The following SUGCT variants were observed in gnomAD, a reference collection of about 807,000 sequenced individuals.
SUGCT encodes succinyl-CoA:glutarate CoA-transferase.
SUGCT carries 41 observed loss-of-function variants against 55.0 expected under a neutral mutation model. That is an observed-to-expected ratio of 0.74 (90% CI 0.58 to 0.97). The LOEUF (loss-of-function observed/expected upper bound fraction) is 0.97, where lower values mean the gene tolerates loss of function less well. SUGCT is among the 50% of genes least tolerant of loss of function. SUGCT has a pLI of 0.00. For missense variants in SUGCT, 568 were observed against 547.8 expected (o/e 1.04, Z -0.37); for synonymous variants, 187 against 200.4 (o/e 0.93, Z 0.56).
the SUGCT span, among the ~76,000 whole-genome samples, chr7:40,903,255 G>A: frequency 6.6e-6 from 1 of 152,102 alleles, no homozygotes; most frequent in African/African-American, 2.4e-5. Context: ...GCTGGACGGA[G>A]GTGAGAGGGA....
chr7:40,970,123 A>T, the SUGCT span, among the ~76,000 whole-genome samples: 1 of 152,184 alleles, frequency 6.6e-6, no homozygotes, highest in Non-Finnish European at 1.5e-5. Flanking sequence ...AACTTTTCAG[A>T]ATCAAGAAGG....
intron 8 of SUGCT, among the ~76,000 whole-genome samples, chr7:40,288,143 T>A (rs1472696499): frequency 2.0e-5 from 3 of 152,174 alleles, no homozygotes; most frequent in South Asian, 2.1e-4. Flanking sequence ...CGGTCTGTAG[T>A]TTTCTTATGA....
At chr7:40,666,444 T>TTTTTTTGTG (rs1584239846) in intron 12 of SUGCT, among the ~76,000 whole-genome samples, 1 of 146,682 alleles carries the variant, frequency 6.8e-6, no homozygotes, top group Non-Finnish European at 1.5e-5. Flanking sequence ...TTTTTTTTTT[T>TTTTTTTGTG]GGTGGGTGGA....
intron 8 of SUGCT, among the ~76,000 whole-genome samples, chr7:40,284,922 G>C (rs2151029019): frequency 1.3e-5 from 2 of 152,274 alleles, no homozygotes; most frequent in Admixed American, 1.3e-4. Context: ...GGAAAACTGA[G>C]CGAAATATAA....
chr7:40,946,859 C>T, the SUGCT span, among the ~76,000 whole-genome samples: 14 of 151,988 alleles, frequency 9.2e-5, no homozygotes, highest in Admixed American at 3.3e-4. Context: ...TTGTATTTCA[C>T]GACTTGCTTC....
Position 40,759,097 on chromosome 7 carries a change from A to T in SUGCT, c.1153+9600A>T, listed in dbSNP as rs147364743. 2.6e-5 allele frequency among the ~76,000 whole-genome samples: 4 copies of T among 152,306 alleles called. No individual in the cohort carries two copies. In the East Asian group the frequency reaches 7.7e-4, roughly 29 times the overall value. ...CTGCAGCCACAAAAACTAAAGAAGC[A>T]CTACCCTCCGTAGACTTAAAGAATA... On this transcript the variant is annotated intron_variant, in intron 13 of 13. Coordinates refer to ENST00000335693, the MANE Select transcript of SUGCT (RefSeq NM_001193313.2).
chr7:41,005,027 G>A, the SUGCT span, among the ~76,000 whole-genome samples: 1 of 152,166 alleles, frequency 6.6e-6, no homozygotes, highest in South Asian at 2.1e-4. Context: ...AAAATGGCAA[G>A]CAACTGCGTA....
chr7:40,808,706 T>C (rs758627310), intron 13 of SUGCT, among the ~76,000 whole-genome samples: 5 of 152,230 alleles, frequency 3.3e-5, no homozygotes, highest in African/African-American at 9.6e-5. Context: ...TACAAAAATA[T>C]CTCTTGTGTG....
intron 8 of SUGCT, among the ~76,000 whole-genome samples, chr7:40,310,201 T>C (rs1191129782): frequency 1.3e-5 from 2 of 152,200 alleles, no homozygotes; most frequent in East Asian, 1.9e-4. Context: ...TATGTTGAAA[T>C]TGGTGCTGTT....
chr7:40,878,258 T>A, the SUGCT span, among the ~76,000 whole-genome samples: 4 of 152,242 alleles, frequency 2.6e-5, no homozygotes, highest in African/African-American at 4.8e-5. Context: ...TTTTCTTTTT[T>A]AAAAAATATT....
At chr7:40,680,329 A>G (rs1584262651) in intron 12 of SUGCT, among the ~76,000 whole-genome samples, 1 of 152,186 alleles carries the variant, frequency 6.6e-6, no homozygotes, top group East Asian at 1.9e-4. Flanking sequence ...CAGCAAATAG[A>G]AACAAAAAAA....
At chr7:40,450,244 T>TC (rs1789114820) in intron 10 of SUGCT, among the ~76,000 whole-genome samples, 1 of 152,166 alleles carries the variant, frequency 6.6e-6, no homozygotes, top group African/African-American at 2.4e-5. Context: ...ACTTTTTTTT[T>TC]CTTTACTTGA....
intron 6 of SUGCT, among the ~76,000 whole-genome samples, chr7:40,233,164 G>C (rs1323636287): frequency 6.6e-6 from 1 of 151,672 alleles, no homozygotes; most frequent in Non-Finnish European, 1.5e-5. Flanking sequence ...ACAAGTATAA[G>C]GTGAAAATGT....
At chr7:40,768,319 C>A (rs967384914) in intron 13 of SUGCT, among the ~76,000 whole-genome samples, 3 of 152,084 alleles carry the variant, frequency 2.0e-5, no homozygotes, top group Non-Finnish European at 4.4e-5. Flanking sequence ...CTGCAGGAAG[C>A]CTCGGCTGCT....
At chr7:40,312,477 C>G (rs1795211295) in intron 8 of SUGCT, among the ~76,000 whole-genome samples, 1 of 151,992 alleles carries the variant, frequency 6.6e-6, no homozygotes, top group Non-Finnish European at 1.5e-5. Context: ...TTCCAAGTTT[C>G]CATCCCTGAA....
At chr7:40,861,767 G>T (rs1183735641), downstream of SUGCT, among the ~76,000 whole-genome samples, 2 of 152,124 alleles carry the variant, frequency 1.3e-5, no homozygotes, top group Admixed American at 1.3e-4. Flanking sequence ...TCCAAAGAAT[G>T]TTTACTAATT....
the SUGCT span, among the ~76,000 whole-genome samples, chr7:40,865,861 T>C: frequency 2.0e-5 from 3 of 152,312 alleles, no homozygotes; most frequent in East Asian, 3.9e-4. Flanking sequence ...CCTTGTTAAA[T>C]AGGGTGATTC....
the SUGCT span, among the ~76,000 whole-genome samples, chr7:40,899,564 T>C: frequency 1.3e-5 from 2 of 151,948 alleles, no homozygotes; most frequent in African/African-American, 2.4e-5. Flanking sequence ...GCATTATGAG[T>C]ATTCCCGGGA....
At chr7:40,346,580 T>C (rs1457401648) in intron 9 of SUGCT, among the ~76,000 whole-genome samples, 1 of 152,202 alleles carries the variant, frequency 6.6e-6, no homozygotes. Flanking sequence ...TAACATAACA[T>C]CTACCTTATT....
Sources: allele counts gnomAD v4.1 joint callset (sites outside exome capture counted in the v4.1 genomes callset), GRCh38; gene constraint gnomAD v4.1.1; transcripts MANE v1.5; gene names NCBI Gene and HGNC (gene_info 2026-07-23, HGNC 2026-07-21).